Variants in EYS observed in about 807,000 individuals in gnomAD.
The protein encoded by EYS is protein eyes shut homolog.
Under a neutral mutation model 282.1 loss-of-function variants are expected in EYS, and 250 were observed. That is an observed-to-expected ratio of 0.89 (90% confidence interval 0.80 to 0.98). The LOEUF is 0.98. EYS is among the 50% of genes least tolerant of loss of function. EYS has a pLI of 0.00. For synonymous variants in EYS, 1,355 were observed against 1,282.9 expected, an observed-to-expected ratio of 1.06 and a Z score of -1.20; for missense variants, 4,016 against 3,709.0, an observed-to-expected ratio of 1.08 and a Z score of -2.15.
intron 1 of EYS, among the ~76,000 whole-genome samples, chr6:65,653,877 G>A (rs1241778048): frequency 6.6e-6 from 1 of 151,820 alleles, no homozygotes; most frequent in Non-Finnish European, 1.5e-5. Context: ...CATCTATAAG[G>A]ACATAGGAAG....
intron 13 of EYS, among the ~76,000 whole-genome samples, chr6:65,017,886 A>G (rs1772105718): frequency 6.6e-6 from 1 of 152,134 alleles, no homozygotes; most frequent in Non-Finnish European, 1.5e-5. Flanking sequence ...TAGAGGCCAA[A>G]CTTCCTGGAA....
intron 2 of EYS, among the ~76,000 whole-genome samples, chr6:65,525,583 A>G (rs1767524641): frequency 6.6e-6 from 1 of 152,204 alleles, no homozygotes; most frequent in Admixed American, 6.5e-5. Flanking sequence ...TTTGTTTCTC[A>G]AATAAATTAA....
intron 31 of EYS, among the ~76,000 whole-genome samples, chr6:64,154,440 C>CAAAAA (rs397819570): frequency 3.5e-4 from 21 of 59,482 alleles, no homozygotes; most frequent in African/African-American, 8.9e-4. Context: ...AACTCCGTCT[C>CAAAAA]AAAAAAAAAA....
chr6:64,345,087 G>T (rs28781641), intron 29 of EYS, among the ~76,000 whole-genome samples: 4,723 of 152,046 alleles, frequency 0.031, 228 homozygotes, highest in African/African-American at 0.11. Context: ...ATGCTCATGG[G>T]TAGGAAGACT....
At chr6:65,550,154 T>TATCTCGACTAC (rs1562254272) in intron 2 of EYS, among the ~76,000 whole-genome samples, 1 of 8,604 alleles carries the variant, frequency 1.2e-4, no homozygotes. Context: ...TTTTTTTTTT[T>TATCTCGACTAC]TTTTTTTTTT....
At chr6:64,933,569 G>C (rs1469209930) in intron 15 of EYS, among the ~76,000 whole-genome samples, 5 of 142,512 alleles carry the variant, frequency 3.5e-5, no homozygotes, top group Non-Finnish European at 7.9e-5. Context: ...GTGGAAGACA[G>C]TGTGGCGATT....
intron 2 of EYS, among the ~76,000 whole-genome samples, chr6:65,598,046 G>A (rs1582500540): frequency 1.3e-5 from 2 of 152,114 alleles, no homozygotes; most frequent in East Asian, 3.9e-4. Flanking sequence ...GCTGCAGTGA[G>A]CTGTGATCCG....
Position 64,174,270 on chromosome 6 carries a change from C to A in EYS, c.6424+56322G>T, listed in dbSNP as rs1218133772. Among the ~76,000 whole-genome samples, 2 of 151,924 alleles carry A rather than the reference C, an allele frequency of 1.3e-5. 1 individual carries two copies. The highest frequency in any genetic ancestry group is 4.8e-5 in the African/African-American group (2 of 41,396). ...ATTTCTTAAAGATGTAGGTGAATTT[C>A]TTGTATATTTTTGCTTAATTTCTAG... On this transcript the variant is annotated intron_variant, in intron 31 of 42. Transcript: ENST00000503581.
intron 13 of EYS, among the ~76,000 whole-genome samples, chr6:65,016,831 A>G (rs1322833107): frequency 6.6e-6 from 1 of 152,228 alleles, no homozygotes; most frequent in Non-Finnish European, 1.5e-5. Context: ...CATTATTCAT[A>G]TACTAAAGTT....
intron 12 of EYS, among the ~76,000 whole-genome samples, chr6:65,267,785 A>ACAAG (rs1767797610): frequency 6.6e-6 from 1 of 151,956 alleles, no homozygotes; most frequent in African/African-American, 2.4e-5. Context: ...AAACAAACAA[A>ACAAG]CAAGCAAATG....
chr6:64,084,629 A>G (rs1772084618), intron 31 of EYS, among the ~76,000 whole-genome samples: 1 of 152,204 alleles, frequency 6.6e-6, no homozygotes, highest in Non-Finnish European at 1.5e-5. Flanking sequence ...GTCTTCTTTT[A>G]TGATTACATT....
chr6:64,895,792 A>G (rs1462067387), intron 18 of EYS, among the ~76,000 whole-genome samples: 1 of 152,142 alleles, frequency 6.6e-6, no homozygotes, highest in Non-Finnish European at 1.5e-5. Flanking sequence ...TGAGATAAGA[A>G]TACTTTACAC....
rs79030365 is a variant in EYS, at chr6:64,629,584, T to C, written c.3444-3339A>G. On this transcript the variant is annotated intron_variant, in intron 22 of 42. Coordinates refer to ENST00000503581, the MANE Select transcript of EYS (RefSeq NM_001142800.2). The stretch of plus-strand genomic sequence containing the variant: ...TATAGTTTTCTACACAGAGATATTA[T>C]AAATATTTTATTAGATTTATACCTA... Among the ~76,000 whole-genome samples, 569 of 152,298 alleles carry C rather than the reference T, an allele frequency of 3.7e-3. 9 individuals are homozygous for C. The highest frequency in any genetic ancestry group is 0.013 in the African/African-American group (529 of 41,578).
chr6:64,085,851 T>A (rs1001131393), intron 31 of EYS, among the ~76,000 whole-genome samples: 2 of 152,230 alleles, frequency 1.3e-5, no homozygotes, highest in African/African-American at 4.8e-5. Context: ...TACCTGGTTC[T>A]GCATTTTATT....
Position 65,036,996 on chromosome 6 carries a change from A to G in EYS, c.2137+20618T>C, listed in dbSNP as rs567991741. Reference sequence around the variant, plus strand: ...AGGAATATAAATTGTTCTACCATAAATATGCATGCACATGTATGTTCATTG... The same window carrying G: ...AGGAATATAAATTGTTCTACCATAAGTATGCATGCACATGTATGTTCATTG... On this transcript the variant is annotated intron_variant, in intron 13 of 42. Transcript: ENST00000503581. Among the ~76,000 whole-genome samples, 337 of 152,108 alleles carry G rather than the reference A, an allele frequency of 2.2e-3. 1 individual carries two copies. Among genetic ancestry groups the G allele is most frequent in the Non-Finnish European group, 3.7e-3 (251 of 67,928 alleles).
intron 15 of EYS, among the ~76,000 whole-genome samples, chr6:64,920,430 G>GGT (rs982822914): frequency 7.9e-5 from 12 of 151,860 alleles, no homozygotes; most frequent in Non-Finnish European, 1.6e-4. Context: ...TTTCCTTAAT[G>GGT]GTGTGTGTGT....
At chr6:64,577,446 C>A (rs892848561) in intron 26 of EYS, among the ~76,000 whole-genome samples, 1 of 151,894 alleles carries the variant, frequency 6.6e-6, no homozygotes, top group Non-Finnish European at 1.5e-5. Flanking sequence ...ATATTTAAGT[C>A]TTTCCACTCC....
intron 9 of EYS, among the ~76,000 whole-genome samples, chr6:65,346,445 T>C (rs943004112): frequency 6.7e-6 from 1 of 148,540 alleles, no homozygotes; most frequent in Non-Finnish European, 1.5e-5. Context: ...GTGTGTATAA[T>C]TTAAAGGATG....
chr6:64,847,172 C>A (rs956065931), intron 19 of EYS, among the ~76,000 whole-genome samples: 2 of 152,158 alleles, frequency 1.3e-5, no homozygotes, highest in African/African-American at 4.8e-5. Context: ...CTGGTCTAGG[C>A]TTCTCATCCT....
Sources: gnomAD v4.1 joint callset for allele counts (sites outside exome capture counted in the v4.1 genomes callset) on GRCh38, gnomAD v4.1.1 for gene constraint, MANE v1.5 for transcripts, NCBI Gene and HGNC (gene_info 2026-07-23, HGNC 2026-07-21) for gene names.